DLD: variants seen among roughly 807,000 people sequenced by gnomAD.
DLD encodes dihydrolipoyl dehydrogenase, mitochondrial.
A neutral mutation model predicts 62.2 loss-of-function variants in DLD; 36 were observed. That is an observed-to-expected ratio of 0.58 (90% confidence interval 0.44 to 0.76). DLD has a LOEUF of 0.76. DLD is among the 30% of genes least tolerant of loss of function. The pLI is 0.00. For missense variants in DLD, 541 were observed against 608.6 expected, an observed-to-expected ratio of 0.89 and a Z score of 1.17; for synonymous variants, 204 against 199.6, an observed-to-expected ratio of 1.02 and a Z score of -0.19.
rs1247136360 is a variant in DLD, at chr7:107,920,667, T to C, written c.*1408T>C. 2.6e-5 allele frequency: 4 copies of C among 152,240 alleles called. No homozygotes were observed. The highest frequency in any genetic ancestry group is 2.1e-4 in the South Asian group (1 of 4,832). 9.4% of individuals were successfully genotyped at this position (152,240 alleles called of 1,614,324 possible). A position where few individuals can be genotyped will look rare whatever the true frequency, so the allele number is the denominator to read the frequency against. On this transcript the variant is annotated 3_prime_UTR_variant, in exon 14 of 14. Coordinates refer to ENST00000205402, the MANE Select transcript of DLD (RefSeq NM_000108.5). ...CTGTGCCTCCTGTTTTTTGGGGGTT[T>C]CCCCTTTATGTTCCAGCTGTTGTGG...
At chr7:107,896,805 G>GT (rs1234082627) in intron 2 of DLD, among the ~76,000 whole-genome samples, 1 of 150,930 alleles carries the variant, frequency 6.6e-6, no homozygotes, top group East Asian at 1.9e-4. Context: ...TTTCCTGTTC[G>GT]TTTTTTCTTT....
At chr7:107,908,841 A>G (rs903497188) in intron 8 of DLD, among the ~76,000 whole-genome samples, 1 of 152,254 alleles carries the variant, frequency 6.6e-6, no homozygotes, top group Non-Finnish European at 1.5e-5. Context: ...TCTATGGCTG[A>G]CTTTCCTATA....
intron 11 of DLD, 35 bp downstream of exon 11, chr7:107,917,497 G>T (rs758730069): frequency 6.3e-7 from 1 of 1,597,754 alleles, no homozygotes; most frequent in Non-Finnish European, 8.6e-7. Context: ...AAGCCAATGT[G>T]TGAGTTGTGC....
Position 107,916,823 on chromosome 7 carries a change from AAGTT to A in DLD, c.907_910del (p.Val303SerfsTer21). 2 of 1,613,276 alleles carry A rather than the reference AAGTT, an allele frequency of 1.2e-6. No homozygotes were observed. Among genetic ancestry groups the A allele is most frequent in the Non-Finnish European group, 1.7e-6 (2 of 1,179,906 alleles). On this transcript the variant is annotated frameshift_variant, in exon 10 of 14. Transcript: ENST00000205402. LOFTEE classifies it high-confidence loss of function. ...GAAGCTGCTTCTGGTGGTAAAGCTG[AAGTT>A]ATCACTTGTGATGTACTCTTGGTTT...
chr7:107,918,088 C>T (rs940315268), intron 12 of DLD, 27 bp downstream of exon 12: 1 of 1,611,974 alleles, frequency 6.2e-7, no homozygotes, highest in African/African-American at 1.3e-5. Context: ...CAGAGAAATC[C>T]CATTAAGATT....
At position 107,919,497 on chromosome 7, in the gene DLD, C is replaced by G. The variant is rs1275692678; in HGVS notation, c.*238C>G. The G allele has an allele frequency of 1.5e-5, 6 of 391,172 alleles. No homozygotes were observed. 24.2% of individuals were successfully genotyped at this position (391,172 alleles called of 1,614,324 possible). On this transcript the variant is annotated 3_prime_UTR_variant, in exon 14 of 14. Transcript: ENST00000205402. ...GACAAAAAGCTACTTATTGTAGCAT[C>G]CTGGAATATCTCCGTCAACTCATAT...
upstream of DLD, chr7:107,891,172 G>A (rs959741487): frequency 1.7e-5 from 26 of 1,569,368 alleles, no homozygotes; most frequent in South Asian, 4.5e-5. Flanking sequence ...GCATGCGCAG[G>A]GAGGGGAGAC....
Position 107,920,580 on chromosome 7 carries a change from T to C in DLD, c.*1321T>C, listed in dbSNP as rs1049532514. 6.6e-6 allele frequency: 1 copy of C among 152,238 alleles called. No homozygotes were observed. The highest frequency in any genetic ancestry group is 2.4e-5 in the African/African-American group (1 of 41,466). The allele number at this position is 152,238 out of a possible 1,614,324, so 9.4% of individuals were successfully genotyped here. On this transcript the variant is annotated 3_prime_UTR_variant, in exon 14 of 14. Coordinates refer to ENST00000205402, the MANE Select transcript of DLD (RefSeq NM_000108.5). ...CTTTAGCTATGCTGCTGGAAGTCTTTCCCATGCAAGTGTGTAGTTCAGGGG... is the reference window on the plus strand; with the variant it reads ...CTTTAGCTATGCTGCTGGAAGTCTTCCCCATGCAAGTGTGTAGTTCAGGGG...
intron 1 of DLD, among the ~76,000 whole-genome samples, chr7:107,892,646 A>C (rs1032969621): frequency 6.6e-6 from 1 of 152,126 alleles, no homozygotes; most frequent in Admixed American, 6.5e-5. Flanking sequence ...CCCGGGTTCA[A>C]GTGATTCTCC....
chr7:107,900,985 C>T (rs1257023202), intron 2 of DLD, among the ~76,000 whole-genome samples: 3 of 152,014 alleles, frequency 2.0e-5, no homozygotes, highest in Non-Finnish European at 4.4e-5. Flanking sequence ...TTGTTAAACT[C>T]CTAAGGATAC....
chr7:107,904,417 C>G (rs945521345), intron 5 of DLD, among the ~76,000 whole-genome samples: 3 of 152,040 alleles, frequency 2.0e-5, no homozygotes, highest in South Asian at 4.1e-4. Context: ...TCTAAGATAC[C>G]CTTCTTACCT....
rs190249440 is a variant in DLD at position 107,914,245 on chromosome 7, T to C, written c.685-1261T>C. 3.0e-3 allele frequency among the ~76,000 whole-genome samples: 454 copies of C among 152,268 alleles called. 3 individuals are homozygous for C. The highest frequency in any genetic ancestry group is 5.4e-3 in the Admixed American group (83 of 15,288). ...TCCATTTTTTATTGAATTTTTCTTA[T>C]TGAATTTGGAGAATTCTTTATATAT... On this transcript the variant is annotated intron_variant, in intron 8 of 13. Transcript: ENST00000205402.
Position 107,919,221 on chromosome 7 carries a change from A to C in DLD, c.1492A>C (p.Asn498His), listed in dbSNP as rs564889609. 23 of 1,613,264 alleles carry C rather than the reference A, an allele frequency of 1.4e-5. No individual in the cohort carries two copies. In the African/African-American group the frequency reaches 2.8e-4, roughly 20 times the overall value. ...PTLSEAFREANLAASFGKSIN... is the reference protein window; with the variant it reads ...PTLSEAFREAHLAASFGKSIN... The stretch of plus-strand genomic sequence containing the variant: ...CTTATCAGAAGCTTTTAGAGAAGCA[A>C]ATCTTGCTGCGTCATTTGGCAAATC... Residue 498 changes from asparagine (N) to histidine (H), a missense_variant, in exon 14 of 14, where the codon AAT (asparagine) becomes CAT (histidine). Coordinates refer to ENST00000205402, the MANE Select transcript of DLD (RefSeq NM_000108.5).
rs1372002264 is a variant in DLD, at chr7:107,905,057, A to C, written c.437A>C (p.Lys146Thr). 3.1e-6 allele frequency: 5 copies of C among 1,597,286 alleles called. No homozygotes were observed. The highest frequency in any genetic ancestry group is 3.4e-6 in the Non-Finnish European group (4 of 1,165,464). ...GGIAHLFKQN[K>T]VVHVNGYGKI... ...ATTGCCCACTTATTCAAACAGAATA[A>C]GGTCAGTGTTTAATATTCAGATTTC... The change falls in exon 6 of 14, where the codon AAG becomes ACG. Residue 146 changes from lysine to threonine, a missense_variant and splice_region_variant. Coordinates refer to ENST00000205402, the MANE Select transcript of DLD (RefSeq NM_000108.5).
At chr7:107,915,095 C>T (rs979158191) in intron 8 of DLD, among the ~76,000 whole-genome samples, 2 of 152,208 alleles carry the variant, frequency 1.3e-5, no homozygotes, top group Non-Finnish European at 2.9e-5. Flanking sequence ...TTTCCCCAAA[C>T]GTGCTATTTA....
rs190282311 is a variant in DLD at position 107,898,754 on chromosome 7, C to G, written c.119-2984C>G. On this transcript the variant is annotated intron_variant, in intron 2 of 13. Transcript: ENST00000205402. ...TACAGGTGCCTGCCACCACGCCCGGCTAATTTTTTTTGTATTTTTAGTAGA... is the reference window on the plus strand; with the variant it reads ...TACAGGTGCCTGCCACCACGCCCGGGTAATTTTTTTTGTATTTTTAGTAGA... Among the ~76,000 whole-genome samples the G allele has an allele frequency of 2.9e-4, 44 of 151,570 alleles. No individual in the cohort carries two copies. The East Asian group carries it at 8.6e-3, about 30-fold the overall frequency.
At chr7:107,918,928 A>C in intron 12 of DLD, 82 bp from the exon 13 acceptor site, 1 of 1,160,936 alleles carries the variant, frequency 8.6e-7, no homozygotes, top group South Asian at 1.2e-5. Flanking sequence ...TAAGATCTAA[A>C]AGCTTCCCCT....
At chr7:107,902,259 T>A (rs1302055697) in intron 3 of DLD, 66 bp from the exon 4 acceptor site, 1 of 1,384,372 alleles carries the variant, frequency 7.2e-7, no homozygotes, top group Non-Finnish European at 1.0e-6. Flanking sequence ...AGACATATAT[T>A]TGGAATTTTA....
chr7:107,902,775 G>A (rs1349519946), intron 4 of DLD, among the ~76,000 whole-genome samples: 3 of 152,114 alleles, frequency 2.0e-5, no homozygotes, highest in African/African-American at 4.8e-5. Flanking sequence ...CCACCCTGAA[G>A]TGTGTACTTA....
Sources: gnomAD v4.1 joint callset for allele counts (sites outside exome capture counted in the v4.1 genomes callset) on GRCh38, gnomAD v4.1.1 for gene constraint, MANE v1.5 for transcripts, NCBI Gene and HGNC (gene_info 2026-07-23, HGNC 2026-07-21) for gene names.